Variants in TYW1B observed in about 807,000 individuals in gnomAD.
TYW1B encodes tRNA-yW synthesizing protein 1 homolog B.
Under a neutral mutation model 86.9 loss-of-function variants are expected in TYW1B, and 73 were observed. The observed-to-expected ratio is 0.84, with a 90% CI of 0.70 to 1.02. TYW1B has a LOEUF of 1.02. TYW1B is among the 50% of genes least tolerant of loss of function. The probability of loss-of-function intolerance (pLI) is 0.00; values close to 1 mark genes in which losing one functional copy is unlikely to be tolerated. For synonymous variants in TYW1B, 248 were observed against 292.8 expected, an observed-to-expected ratio of 0.85 and a Z score of 1.56; for missense variants, 637 against 827.4, an observed-to-expected ratio of 0.77 and a Z score of 2.82.
At chr7:72,670,317 G>A (rs1447436758) in intron 11 of TYW1B, among the ~76,000 whole-genome samples, 1 of 152,082 alleles carries the variant, frequency 6.6e-6, no homozygotes, top group African/African-American at 2.4e-5. Flanking sequence ...TCAGCCTCCC[G>A]AGTAGCTGGG....
chr7:72,819,542 C>T (rs1788789773), intron 2 of TYW1B, among the ~76,000 whole-genome samples: 1 of 152,176 alleles, frequency 6.6e-6, no homozygotes, highest in African/African-American at 2.4e-5. Flanking sequence ...AAGCAATCCT[C>T]CCACCTCAGC....
At chr7:72,713,499 C>A (rs1240963498) in intron 10 of TYW1B, 122 bp downstream of exon 10, 16 of 1,030,180 alleles carry the variant, frequency 1.6e-5, no homozygotes, top group Admixed American at 3.1e-5. Flanking sequence ...CCTCCCAAAG[C>A]CCAACATTTG....
chr7:72,592,172 A>T (rs2129567840), intron 13 of TYW1B, among the ~76,000 whole-genome samples: 1 of 151,388 alleles, frequency 6.6e-6, no homozygotes, highest in Non-Finnish European at 1.5e-5. Flanking sequence ...AAAAAAAAAA[A>T]AAAAAAAAAA....
In TYW1B at chr7:72,687,366, G is replaced by A. The variant is rs1336704267; in HGVS notation, c.1506+7321C>T. ...GGATAATCACTTGAAGCCAGGAGGC[G>A]GAGGGTGCAGTGAGCAAAGATCACA... On this transcript the variant is annotated intron_variant, in intron 11 of 13. Coordinates refer to ENST00000620995, the MANE Select transcript of TYW1B (RefSeq NM_001145440.3). Among the ~76,000 whole-genome samples, 5 of 152,272 alleles carry A rather than the reference G, an allele frequency of 3.3e-5. No individual in the cohort carries two copies. In the East Asian group the frequency reaches 5.8e-4, roughly 18 times the overall value.
chr7:72,703,198 G>C (rs1814532140), intron 10 of TYW1B, among the ~76,000 whole-genome samples: 1 of 151,036 alleles, frequency 6.6e-6, no homozygotes, highest in Non-Finnish European at 1.5e-5. Context: ...CTAATTTTTT[G>C]TATTTTTAGT....
intron 10 of TYW1B, among the ~76,000 whole-genome samples, chr7:72,710,635 A>G (rs1388822174): frequency 3.9e-5 from 6 of 152,244 alleles, no homozygotes; most frequent in African/African-American, 1.4e-4. Flanking sequence ...AAACCAGCCT[A>G]ACCAACATGG....
chr7:72,651,190 G>A (rs1253269572), intron 11 of TYW1B, among the ~76,000 whole-genome samples: 4 of 152,054 alleles, frequency 2.6e-5, no homozygotes, highest in South Asian at 2.1e-4. Flanking sequence ...ATGCATATAC[G>A]GAAACTTAAT....
chr7:72,748,172 G>A (rs13242872), intron 7 of TYW1B, among the ~76,000 whole-genome samples: 4 of 152,078 alleles, frequency 2.6e-5, no homozygotes, highest in East Asian at 1.9e-4. Flanking sequence ...GGGAGGCTCA[G>A]GCAGGAGAAT....
intron 13 of TYW1B, among the ~76,000 whole-genome samples, chr7:72,578,979 T>C (rs1474182289): frequency 1.3e-5 from 2 of 152,132 alleles, no homozygotes; most frequent in African/African-American, 2.4e-5. Flanking sequence ...ACCCTCAAAC[T>C]CTAACATAAT....
chr7:72,674,872 C>G (rs1247536704), intron 11 of TYW1B, among the ~76,000 whole-genome samples: 1 of 149,264 alleles, frequency 6.7e-6, no homozygotes, highest in Non-Finnish European at 1.5e-5. Context: ...GCTGAGATTA[C>G]AGGTGTGAGC....
rs1207253452 is a variant in TYW1B, at chr7:72,661,241, G to A, written c.1507-32244C>T. Among the ~76,000 whole-genome samples the A allele has an allele frequency of 3.4e-5, 2 of 58,256 alleles. 1 individual carries two copies. The highest frequency in any genetic ancestry group is 7.6e-5 in the African/African-American group (2 of 26,470). 38.2% of individuals were successfully genotyped at this position (58,256 alleles called of 152,430 possible). On this transcript the variant is annotated intron_variant, in intron 11 of 13. Coordinates refer to ENST00000620995, the MANE Select transcript of TYW1B (RefSeq NM_001145440.3). Reference sequence around the variant, plus strand: ...TAGGGAGGTCTGGTGGGGGGCGGGGGGGCACTATAGGTAACTAATGTGTTA... The same window carrying A: ...TAGGGAGGTCTGGTGGGGGGCGGGGAGGCACTATAGGTAACTAATGTGTTA...
chr7:72,575,224 C>A lies in TYW1B; in HGVS notation c.*274G>T. The A allele has an allele frequency of 1.6e-6, 2 of 1,252,546 alleles. No homozygotes were observed. Among genetic ancestry groups the A allele is most frequent in the African/African-American group, 1.5e-5 (1 of 66,536 alleles). 77.6% of individuals were successfully genotyped at this position (1,252,546 alleles called of 1,614,324 possible). ...ATAATACAAAACCATCAGTTAAATTCTAATCACGACTGTGTAGTTCCTCCC... is the reference window on the plus strand; with the variant it reads ...ATAATACAAAACCATCAGTTAAATTATAATCACGACTGTGTAGTTCCTCCC... On this transcript the variant is annotated 3_prime_UTR_variant, in exon 14 of 14. Coordinates refer to ENST00000620995, the MANE Select transcript of TYW1B (RefSeq NM_001145440.3).
intron 11 of TYW1B, among the ~76,000 whole-genome samples, chr7:72,655,712 G>A (rs1813185111): frequency 6.6e-6 from 1 of 152,198 alleles, no homozygotes; most frequent in Non-Finnish European, 1.5e-5. Flanking sequence ...ATAGTCACCG[G>A]TAGCAACCCC....
rs1378067807 is a variant in TYW1B at position 72,764,491 on chromosome 7, C to T, written c.964+12925G>A. On this transcript the variant is annotated intron_variant, in intron 7 of 13. Coordinates refer to ENST00000620995, the MANE Select transcript of TYW1B (RefSeq NM_001145440.3). Reference sequence around the variant, plus strand: ...ACAGACAGGGTTTCACCATATTGGCCGGGCTGGTCTCAAACTCCTAACCTC... The same window carrying T: ...ACAGACAGGGTTTCACCATATTGGCTGGGCTGGTCTCAAACTCCTAACCTC... 3.9e-5 allele frequency among the ~76,000 whole-genome samples: 6 copies of T among 152,148 alleles called. No individual in the cohort carries two copies. The South Asian group carries it at 6.2e-4, about 16-fold the overall frequency.
At chr7:72,806,807 T>A (rs1485526361) in intron 5 of TYW1B, among the ~76,000 whole-genome samples, 1 of 151,920 alleles carries the variant, frequency 6.6e-6, no homozygotes, top group South Asian at 2.1e-4. Context: ...TGCACCACCA[T>A]GCCTTGCTAA....
chr7:72,711,903 A>T (rs1448495339), intron 10 of TYW1B, among the ~76,000 whole-genome samples: 1 of 151,448 alleles, frequency 6.6e-6, no homozygotes, highest in Non-Finnish European at 1.5e-5. Flanking sequence ...TGTACTGAGC[A>T]CCTTTAGGGC....
intron 2 of TYW1B, among the ~76,000 whole-genome samples, chr7:72,822,347 C>A (rs1467537445): frequency 2.0e-5 from 3 of 151,772 alleles, no homozygotes; most frequent in African/African-American, 7.3e-5. Context: ...ATTAACAGAA[C>A]TAATGCACAC....
intron 9 of TYW1B, among the ~76,000 whole-genome samples, chr7:72,715,057 T>C (rs1554455558): frequency 6.6e-6 from 1 of 152,136 alleles, no homozygotes; most frequent in African/African-American, 2.4e-5. Flanking sequence ...AGCCACTGCA[T>C]GAAACCAGAG....
At chr7:72,694,586 G>A in intron 11 of TYW1B, 101 bp downstream of exon 11, 1 of 1,335,460 alleles carries the variant, frequency 7.5e-7, no homozygotes, top group Non-Finnish European at 9.7e-7. Context: ...AGAGAAAAGA[G>A]GAAAAAGTAC....
Sources: allele counts gnomAD v4.1 joint callset (sites outside exome capture counted in the v4.1 genomes callset), GRCh38; gene constraint gnomAD v4.1.1; transcripts MANE v1.5; gene names NCBI Gene and HGNC (gene_info 2026-07-23, HGNC 2026-07-21).